Variants in ERC2 observed in about 807,000 individuals in gnomAD.
ERC2 encodes ERC protein 2.
A neutral mutation model predicts 114.8 loss-of-function variants in ERC2; 42 were observed. That is an observed-to-expected ratio of 0.37 (90% CI 0.29 to 0.47). The LOEUF (loss-of-function observed/expected upper bound fraction) is 0.47, where lower values mean the gene tolerates loss of function less well. Among genes scored for constraint, ERC2 ranks in the 20% least tolerant of loss-of-function variants. The pLI is 0.99. For missense variants in ERC2, 939 were observed against 1,150.7 expected (o/e 0.82, Z 2.66); for synonymous variants, 454 against 425.5 (o/e 1.07, Z -0.82).
At chr3:55,670,705 A>T (rs1282035036) in intron 17 of ERC2, among the ~76,000 whole-genome samples, 1 of 152,236 alleles carries the variant, frequency 6.6e-6, no homozygotes, top group African/African-American at 2.4e-5. Context: ...AGGATGAACA[A>T]GATGACCAAT....
intron 17 of ERC2, among the ~76,000 whole-genome samples, chr3:55,602,398 C>A (rs916323811): frequency 2.6e-5 from 4 of 152,120 alleles, no homozygotes; most frequent in African/African-American, 9.7e-5. Context: ...AGGAGGAGAC[C>A]AGCAGAGGCT....
At chr3:56,432,827 T>A (rs1023960120) in intron 2 of ERC2, among the ~76,000 whole-genome samples, 6 of 152,132 alleles carry the variant, frequency 3.9e-5, no homozygotes, top group African/African-American at 1.4e-4. Flanking sequence ...GAAAGTTAAA[T>A]AATATCTGGG....
intron 2 of ERC2, among the ~76,000 whole-genome samples, chr3:56,367,255 A>G (rs936570843): frequency 4.1e-5 from 6 of 147,840 alleles, no homozygotes; most frequent in African/African-American, 1.3e-4. Flanking sequence ...CTCAGGCCCA[A>G]TGGGCAGCAT....
chr3:56,183,450 T>C (rs1438658881), intron 3 of ERC2, among the ~76,000 whole-genome samples: 1 of 152,180 alleles, frequency 6.6e-6, no homozygotes, highest in African/African-American at 2.4e-5. Flanking sequence ...GATAAATATA[T>C]GGACTGACAC....
At chr3:55,645,548 A>G in intron 17 of ERC2, among the ~76,000 whole-genome samples, 1 of 152,194 alleles carries the variant, frequency 6.6e-6, no homozygotes, top group Non-Finnish European at 1.5e-5. Context: ...TCAGCTTGAT[A>G]AAGCCTTGCA....
chr3:56,301,336 A>G (rs1457233584), intron 2 of ERC2, among the ~76,000 whole-genome samples: 1 of 151,652 alleles, frequency 6.6e-6, no homozygotes, highest in East Asian at 1.9e-4. Flanking sequence ...TTTAGTTTTC[A>G]TTTTCTTTTA....
rs1207646418 is a variant in ERC2 at position 55,509,817 on chromosome 3, C to T, written c.*1499G>A. ...GGACATCTGTTTAGAATCCTTTCCA[C>T]AGCAGCAAAGAAAGACAACTATATT... On this transcript the variant is annotated 3_prime_UTR_variant, in exon 18 of 18. Coordinates refer to ENST00000288221, the MANE Select transcript of ERC2 (RefSeq NM_015576.3). 3.9e-5 allele frequency: 6 copies of T among 152,602 alleles called. No homozygotes were observed. Among genetic ancestry groups the T allele is most frequent in the Non-Finnish European group, 7.3e-5 (5 of 68,036 alleles). The allele number at this position is 152,602 out of a possible 1,614,324, so 9.5% of individuals were successfully genotyped here. A position where few individuals can be genotyped will look rare whatever the true frequency, so the allele number is the denominator to read the frequency against.
At chr3:56,264,042 G>C (rs1237203618) in intron 3 of ERC2, among the ~76,000 whole-genome samples, 2 of 151,850 alleles carry the variant, frequency 1.3e-5, no homozygotes, top group Admixed American at 1.3e-4. Flanking sequence ...ACAGAATGAG[G>C]GCTAAAAACC....
intron 13 of ERC2, among the ~76,000 whole-genome samples, chr3:55,943,421 G>A (rs1213997071): frequency 6.6e-6 from 1 of 152,020 alleles, no homozygotes; most frequent in Admixed American, 6.6e-5. Context: ...GGCTTTTGAA[G>A]CATGATTCTG....
intron 14 of ERC2, among the ~76,000 whole-genome samples, chr3:55,785,174 G>C (rs543380298): frequency 1.3e-5 from 2 of 152,210 alleles, no homozygotes; most frequent in Non-Finnish European, 2.9e-5. Flanking sequence ...CCGAAGGCAA[G>C]ATAATTCAGG....
chr3:56,098,869 C>G (rs967867641), intron 6 of ERC2, among the ~76,000 whole-genome samples: 16 of 152,164 alleles, frequency 1.1e-4, no homozygotes, highest in Non-Finnish European at 2.2e-4. Context: ...ATGGCTGGCT[C>G]TTCGTTCTTG....
At chr3:55,880,362 A>G (rs2149303411) in intron 14 of ERC2, among the ~76,000 whole-genome samples, 1 of 152,314 alleles carries the variant, frequency 6.6e-6, no homozygotes, top group Non-Finnish European at 1.5e-5. Flanking sequence ...TTACTTACCC[A>G]CTATAAGTTT....
intron 7 of ERC2, among the ~76,000 whole-genome samples, chr3:56,050,025 G>A (rs528777195): frequency 2.8e-4 from 42 of 152,286 alleles, no homozygotes; most frequent in African/African-American, 9.1e-4. Flanking sequence ...CTATTGGGAC[G>A]AAGGAGCAGA....
chr3:56,418,592 A>G (rs955901087), intron 2 of ERC2, among the ~76,000 whole-genome samples: 13 of 152,224 alleles, frequency 8.5e-5, no homozygotes, highest in African/African-American at 3.1e-4. Flanking sequence ...CCTACTTCAT[A>G]GGGTCATTAT....
At chr3:56,063,173 A>C (rs889380504) in intron 7 of ERC2, among the ~76,000 whole-genome samples, 1 of 152,198 alleles carries the variant, frequency 6.6e-6, no homozygotes, top group Admixed American at 6.5e-5. Context: ...AGGCAAAACT[A>C]CAAGGCATGG....
At chr3:55,845,974 A>C (rs2061345861) in intron 14 of ERC2, among the ~76,000 whole-genome samples, 1 of 152,278 alleles carries the variant, frequency 6.6e-6, no homozygotes, top group Non-Finnish European at 1.5e-5. Flanking sequence ...ATGACTTCTT[A>C]CAAGGATTGA....
chr3:55,609,685 C>T (rs1440311586), intron 17 of ERC2, among the ~76,000 whole-genome samples: 3 of 151,990 alleles, frequency 2.0e-5, no homozygotes, highest in African/African-American at 7.3e-5. Context: ...ACTGTGGCTC[C>T]GAGGCCTGCC....
chr3:55,821,192 C>T (rs1338945930), intron 14 of ERC2, among the ~76,000 whole-genome samples: 1 of 152,068 alleles, frequency 6.6e-6, no homozygotes, highest in African/African-American at 2.4e-5. Flanking sequence ...GAGGAGAAAC[C>T]CTACTGTTCC....
At chr3:55,685,485 C>T (rs1469366727) in intron 16 of ERC2, among the ~76,000 whole-genome samples, 9 of 152,126 alleles carry the variant, frequency 5.9e-5, no homozygotes, top group Non-Finnish European at 1.3e-4. Context: ...TGTATTTTTA[C>T]ATTCATTTAA....
Sources: gnomAD v4.1 joint callset for allele counts (sites outside exome capture counted in the v4.1 genomes callset) on GRCh38, gnomAD v4.1.1 for gene constraint, MANE v1.5 for transcripts, NCBI Gene and HGNC (gene_info 2026-07-23, HGNC 2026-07-21) for gene names.